SNX8: variants seen among roughly 807,000 people sequenced by gnomAD.
SNX8 encodes the protein sorting nexin-8.
In SNX8, 25 loss-of-function variants were observed where a neutral mutation model predicts 51.6. That is an observed-to-expected ratio of 0.48 (90% CI 0.35 to 0.68). SNX8 has a LOEUF of 0.68. SNX8 is among the 30% of genes least tolerant of loss of function. The pLI, the probability that SNX8 is intolerant of heterozygous loss-of-function variation, is 0.00. For missense variants in SNX8, 695 were observed against 624.0 expected (o/e 1.11, Z -1.21); for synonymous variants, 324 against 277.0 (o/e 1.17, Z -1.68).
Position 2,324,219 on chromosome 7 carries a change from A to G in SNX8, c.-66+30003T>C, listed in dbSNP as rs376622412. On this transcript the variant is annotated intron_variant, in intron 1 of 5. Coordinates refer to the SNX8 transcript ENST00000435336. ...TAGCACTTTGAGAGGCCAAGGCAGGAGGGTTACTTGAGCCCAGGAATTCAA... is the reference window on the plus strand; with the variant it reads ...TAGCACTTTGAGAGGCCAAGGCAGGGGGGTTACTTGAGCCCAGGAATTCAA... 1.7e-4 allele frequency among the ~76,000 whole-genome samples: 26 copies of G among 151,454 alleles called. No individual in the cohort carries two copies. The East Asian group carries it at 4.9e-3, about 28-fold the overall frequency.
chr7:2,312,755 T>C (rs11973861), intron 1 of SNX8, among the ~76,000 whole-genome samples: 1 of 149,872 alleles, frequency 6.7e-6, no homozygotes, highest in South Asian at 2.2e-4. Context: ...CCCAATCTTG[T>C]CCCCCCCCAC....
At chr7:2,330,955 C>A (rs1778723461) in intron 1 of SNX8, among the ~76,000 whole-genome samples, 1 of 151,442 alleles carries the variant, frequency 6.6e-6, no homozygotes, top group Admixed American at 6.6e-5. Flanking sequence ...GAGGCCGAGG[C>A]AGGTGGGTCA....
chr7:2,331,283 G>A (rs1356090958), intron 1 of SNX8, among the ~76,000 whole-genome samples: 2 of 149,716 alleles, frequency 1.3e-5, no homozygotes, highest in Non-Finnish European at 3.0e-5. Flanking sequence ...ATCAAATCCA[G>A]AAAAGCTACT....
intron 1 of SNX8, among the ~76,000 whole-genome samples, chr7:2,350,279 G>A (rs1477826819): frequency 6.6e-6 from 1 of 152,180 alleles, no homozygotes; most frequent in Non-Finnish European, 1.5e-5. Flanking sequence ...GATAGCAAGG[G>A]AGGGGTTAGT....
intron 5 of SNX8, 104 bp downstream of exon 5, chr7:2,269,455 T>C (rs551352519): frequency 1.7e-5 from 10 of 572,448 alleles, no homozygotes; most frequent in Non-Finnish European, 2.8e-5. Flanking sequence ...CCCTCCACTA[T>C]TGTCCCATGA....
chr7:2,324,568 A>C (rs920039831), intron 1 of SNX8, among the ~76,000 whole-genome samples: 26 of 152,028 alleles, frequency 1.7e-4, no homozygotes, highest in Admixed American at 1.3e-4. Flanking sequence ...TAGGATTACA[A>C]GAGTGAGCCA....
intron 1 of SNX8, among the ~76,000 whole-genome samples, chr7:2,292,513 G>C (rs1461163144): frequency 6.6e-6 from 1 of 151,060 alleles, no homozygotes; most frequent in Non-Finnish European, 1.5e-5. Context: ...CCAGGTTCAC[G>C]CCATTCTCCT....
chr7:2,350,002 G>T (rs1036369327), intron 1 of SNX8, among the ~76,000 whole-genome samples: 9 of 152,084 alleles, frequency 5.9e-5, no homozygotes, highest in African/African-American at 2.2e-4. Flanking sequence ...CACCTGCCTG[G>T]GCCCTGGAAG....
intron 1 of SNX8, among the ~76,000 whole-genome samples, chr7:2,320,413 T>C (rs1796814421): frequency 6.6e-6 from 1 of 152,138 alleles, no homozygotes. Context: ...GAGTATTTAC[T>C]GTTTATCAAA....
chr7:2,302,266 C>CTGGCG (rs879896221), intron 1 of SNX8, among the ~76,000 whole-genome samples: 7 of 152,224 alleles, frequency 4.6e-5, no homozygotes, highest in Non-Finnish European at 8.8e-5. Flanking sequence ...CCACGCCTGA[C>CTGGCG]TGGTTTTCGT....
At position 2,329,831 on chromosome 7, in the gene SNX8, C is replaced by CT. The variant is rs71023395; in HGVS notation, c.-66+24390dup. ...CTTCATCCATATTTTTTGCAATGTC[C>CT]TTTTTTTTTTTTTTGAGACAAAGTC... On this transcript the variant is annotated intron_variant, in intron 1 of 5. Coordinates refer to the SNX8 transcript ENST00000435336. 6.9e-3 allele frequency among the ~76,000 whole-genome samples: 984 copies of CT among 142,580 alleles called. 15 individuals carry two copies. The highest frequency in any genetic ancestry group is 0.023 in the African/African-American group (901 of 38,948). The allele number at this position is 142,580 out of a possible 152,430, so 93.5% of individuals were successfully genotyped here.
In SNX8 at chr7:2,255,017, T is replaced by G; in HGVS notation, c.*39A>C. On this transcript the variant is annotated 3_prime_UTR_variant, in exon 11 of 11. Coordinates refer to ENST00000222990, the MANE Select transcript of SNX8 (RefSeq NM_013321.4). The stretch of plus-strand genomic sequence containing the variant: ...GGGACACACCGTTTGGAAAGAGGTT[T>G]TAGTGCGGCCGCAGGGAGCACCACC... 7.5e-7 allele frequency: 1 copy of G among 1,340,120 alleles called. No individual in the cohort carries two copies. Among genetic ancestry groups the G allele is most frequent in the Non-Finnish European group, 1.0e-6 (1 of 955,820 alleles). The allele number at this position is 1,340,120 out of a possible 1,614,324, so 83.0% of individuals were successfully genotyped here.
At chr7:2,307,375 G>A (rs1237402723) in intron 1 of SNX8, among the ~76,000 whole-genome samples, 1 of 151,834 alleles carries the variant, frequency 6.6e-6, no homozygotes, top group Non-Finnish European at 1.5e-5. Context: ...GCTCACGCCT[G>A]TAATCCCAGC....
At chr7:2,314,568 C>A, upstream of SNX8, 2 of 816,932 alleles carry the variant, frequency 2.4e-6, no homozygotes, top group Non-Finnish European at 3.0e-6. Flanking sequence ...GGGCCCGCCG[C>A]GCTCCTCGCC....
At chr7:2,289,696 T>G (rs1421265148) in intron 1 of SNX8, among the ~76,000 whole-genome samples, 4 of 152,146 alleles carry the variant, frequency 2.6e-5, no homozygotes, top group Non-Finnish European at 4.4e-5. Flanking sequence ...CTGAACATAG[T>G]TTCGGAAGAA....
At chr7:2,282,319 T>C (rs1346514751) in intron 1 of SNX8, among the ~76,000 whole-genome samples, 2 of 152,254 alleles carry the variant, frequency 1.3e-5, no homozygotes, top group East Asian at 3.9e-4. Context: ...ACTTGGATGC[T>C]GCACTTGCAA....
At chr7:2,265,164 A>C (rs1795436038) in intron 5 of SNX8, among the ~76,000 whole-genome samples, 1 of 152,178 alleles carries the variant, frequency 6.6e-6, no homozygotes, top group Non-Finnish European at 1.5e-5. Context: ...ACTATGGTGA[A>C]ACCCCATCTC....
At chr7:2,256,237 C>A (rs1795175134) in intron 10 of SNX8, among the ~76,000 whole-genome samples, 1 of 152,238 alleles carries the variant, frequency 6.6e-6, no homozygotes, top group Non-Finnish European at 1.5e-5. Flanking sequence ...GCACCCACGG[C>A]ACCAAGCACC....
intron 1 of SNX8, among the ~76,000 whole-genome samples, chr7:2,320,670 G>A (rs1696340887): frequency 6.6e-6 from 1 of 152,144 alleles, no homozygotes; most frequent in African/African-American, 2.4e-5. Flanking sequence ...GCTGCAGTGA[G>A]CCATGATTGC....
Sources: allele counts gnomAD v4.1 joint callset (sites outside exome capture counted in the v4.1 genomes callset), GRCh38; gene constraint gnomAD v4.1.1; transcripts MANE v1.5; gene names NCBI Gene and HGNC (gene_info 2026-07-23, HGNC 2026-07-21).